The following HMBOX1 variants were observed in gnomAD, a reference collection of about 807,000 sequenced individuals.
The protein encoded by HMBOX1 is homeobox-containing protein 1.
In HMBOX1, 14 loss-of-function variants were observed where a neutral mutation model predicts 54.5. The ratio of observed to expected loss-of-function variants is 0.26; its 90% confidence interval spans 0.17 to 0.40. The LOEUF is 0.40. Among genes scored for constraint, HMBOX1 ranks in the 10% least tolerant of loss-of-function variants. The pLI is 1.00. For synonymous variants in HMBOX1, 160 were observed against 181.0 expected (o/e 0.88, Z 0.93); for missense variants, 332 against 514.4 (o/e 0.65, Z 3.43).
intron 3 of HMBOX1, among the ~76,000 whole-genome samples, chr8:28,978,834 G>A (rs2132458389): frequency 7.1e-6 from 1 of 140,632 alleles, no homozygotes; most frequent in African/African-American, 2.6e-5. Context: ...ATATATACAA[G>A]ACAGAAAACA....
intron 2 of HMBOX1, among the ~76,000 whole-genome samples, chr8:28,967,831 T>A (rs1448986971): frequency 1.3e-5 from 2 of 152,260 alleles, no homozygotes; most frequent in South Asian, 2.1e-4. Flanking sequence ...TTGTTACAAG[T>A]GAGTATTGGA....
At chr8:29,018,387 C>T (rs538814866) in intron 5 of HMBOX1, among the ~76,000 whole-genome samples, 1 of 151,988 alleles carries the variant, frequency 6.6e-6, no homozygotes, top group South Asian at 2.1e-4. Context: ...CCTATGGAGA[C>T]CTGATTTAGT....
chr8:28,956,392 A>G (rs1440067671), intron 1 of HMBOX1, among the ~76,000 whole-genome samples: 3 of 151,996 alleles, frequency 2.0e-5, no homozygotes, highest in South Asian at 2.1e-4. Flanking sequence ...TTTGTTAAGC[A>G]TATCTACAAG....
At chr8:28,999,848 A>G (rs1832378486) in intron 4 of HMBOX1, among the ~76,000 whole-genome samples, 1 of 152,046 alleles carries the variant, frequency 6.6e-6, no homozygotes, top group Non-Finnish European at 1.5e-5. Context: ...AAAATGGTTA[A>G]TTTAAATCTT....
chr8:28,957,056 C>T (rs891708860), intron 1 of HMBOX1, among the ~76,000 whole-genome samples: 3 of 152,024 alleles, frequency 2.0e-5, no homozygotes, highest in East Asian at 3.9e-4. Context: ...ATGGCCTGGG[C>T]GTGGAGGGTA....
In HMBOX1 at chr8:28,970,558, T is replaced by A. The variant is rs777466225; in HGVS notation, c.500+39T>A. ...CTTATTCAGAGTCCCTAAAAATGTC[T>A]GTATTCTTAGATTGTTTTTAAGTAG... On this transcript the variant is annotated intron_variant, in intron 3 of 9. Coordinates refer to ENST00000287701, the MANE Select transcript of HMBOX1 (RefSeq NM_001135726.3). This position sits in a 1 kb window ranked among gnomAD's most constrained non-coding sequence, Gnocchi z 4.3. 44 of 1,301,224 alleles carry A rather than the reference T, an allele frequency of 3.4e-5. No homozygotes were observed. In the African/African-American group the frequency reaches 5.9e-4, roughly 17 times the overall value. 80.6% of individuals were successfully genotyped at this position (1,301,224 alleles called of 1,614,324 possible). A position where few individuals can be genotyped will look rare whatever the true frequency, so the allele number is the denominator to read the frequency against.
At chr8:28,893,907 C>T (rs576062138) in intron 1 of HMBOX1, among the ~76,000 whole-genome samples, 2 of 152,264 alleles carry the variant, frequency 1.3e-5, no homozygotes, top group South Asian at 4.1e-4. Flanking sequence ...TCTTGCTTCT[C>T]TTATTTTTGT....
intron 1 of HMBOX1, among the ~76,000 whole-genome samples, chr8:28,898,286 A>G (rs993883244): frequency 3.3e-5 from 5 of 152,226 alleles, no homozygotes; most frequent in East Asian, 1.9e-4. Context: ...GAATATGACA[A>G]ATATTGATGG....
In HMBOX1 at chr8:29,052,904, TAAAAG is replaced by T. The variant is rs1367145958; in HGVS notation, c.*1750_*1754del. On this transcript the variant is annotated 3_prime_UTR_variant, in exon 10 of 10. Transcript: ENST00000287701. ...CGTTACCTGAAAACAATTTCTAAGA[TAAAAG>T]GAAGGTGCCATTTCCTTACCTCTTC... The T allele has an allele frequency of 1.3e-5, 2 of 152,228 alleles. No homozygotes were observed. The highest frequency in any genetic ancestry group is 2.9e-5 in the Non-Finnish European group (2 of 68,046). 9.4% of individuals were successfully genotyped at this position (152,228 alleles called of 1,614,324 possible).
Position 28,938,612 on chromosome 8 carries a change from A to ATT in HMBOX1, c.-57-25185_-57-25184dup, listed in dbSNP as rs778373499. Among the ~76,000 whole-genome samples the ATT allele has an allele frequency of 6.1e-3, 863 of 140,628 alleles. 5 individuals carry two copies. The highest frequency in any genetic ancestry group is 0.022 in the African/African-American group (829 of 38,378). The allele number at this position is 140,628 out of a possible 152,430, so 92.3% of individuals were successfully genotyped here. On this transcript the variant is annotated intron_variant, in intron 1 of 9. Coordinates refer to ENST00000287701, the MANE Select transcript of HMBOX1 (RefSeq NM_001135726.3). Reference sequence around the variant, plus strand: ...CAGGCGCACACCACCACTCCTGGCAATTTTTTTTTTTTTTTGGTAGAGACA... The same window carrying ATT: ...CAGGCGCACACCACCACTCCTGGCAATTTTTTTTTTTTTTTTTGGTAGAGACA...
chr8:28,911,145 T>C (rs1815330518), intron 1 of HMBOX1, among the ~76,000 whole-genome samples: 1 of 152,306 alleles, frequency 6.6e-6, no homozygotes, highest in African/African-American at 2.4e-5. Flanking sequence ...CAACAAAAAC[T>C]GATTTTGGCC....
intron 3 of HMBOX1, among the ~76,000 whole-genome samples, chr8:28,976,432 CTG>C (rs1173048896): frequency 6.6e-6 from 1 of 152,078 alleles, no homozygotes; most frequent in African/African-American, 2.4e-5. Flanking sequence ...GAGTCTCACT[CTG>C]TTGCCCAGTG....
intron 2 of HMBOX1, among the ~76,000 whole-genome samples, chr8:28,967,660 G>A (rs919734900): frequency 1.7e-4 from 26 of 152,140 alleles, no homozygotes; most frequent in African/African-American, 5.1e-4. Flanking sequence ...TTGATAACAT[G>A]AAGACTGAAA....
Position 29,052,929 on chromosome 8 carries a change from C to G in HMBOX1, c.*1774C>G, listed in dbSNP as rs1207331455. On this transcript the variant is annotated 3_prime_UTR_variant, in exon 10 of 10. Transcript: ENST00000287701. The stretch of plus-strand genomic sequence containing the variant: ...TAAAAGGAAGGTGCCATTTCCTTAC[C>G]TCTTCACCCATCCTCCTCCACCAAA... The G allele has an allele frequency of 1.3e-5, 2 of 152,230 alleles. No individual in the cohort carries two copies. Among genetic ancestry groups the G allele is most frequent in the African/African-American group, 4.8e-5 (2 of 41,432 alleles). 9.4% of individuals were successfully genotyped at this position (152,230 alleles called of 1,614,324 possible). A position where few individuals can be genotyped will look rare whatever the true frequency, so the allele number is the denominator to read the frequency against.
chr8:29,010,079 C>T (rs1834030994), intron 5 of HMBOX1: 4 of 983,034 alleles, frequency 4.1e-6, no homozygotes, highest in Non-Finnish European at 3.6e-6. Flanking sequence ...GATTTTTTTC[C>T]CTAAAGGTCA....
intron 4 of HMBOX1, among the ~76,000 whole-genome samples, chr8:28,995,280 G>GT (rs1831638046): frequency 6.6e-6 from 1 of 152,126 alleles, no homozygotes; most frequent in Non-Finnish European, 1.5e-5. Flanking sequence ...ATAAACTTTT[G>GT]TGTCGGGCTT....
intron 1 of HMBOX1, among the ~76,000 whole-genome samples, chr8:28,926,667 A>G (rs537166693): frequency 1.3e-5 from 2 of 152,250 alleles, no homozygotes; most frequent in East Asian, 3.9e-4. Flanking sequence ...TCCTGGGCTC[A>G]AGTGACCCTC....
intron 3 of HMBOX1, among the ~76,000 whole-genome samples, chr8:28,978,764 G>A (rs1828854851): frequency 8.6e-6 from 1 of 116,220 alleles, no homozygotes; most frequent in Non-Finnish European, 1.6e-5. Flanking sequence ...TCCAGCCCGA[G>A]CAACAGAGTG....
At chr8:28,925,612 T>G (rs1037050283) in intron 1 of HMBOX1, among the ~76,000 whole-genome samples, 1 of 146,874 alleles carries the variant, frequency 6.8e-6, no homozygotes, top group Non-Finnish European at 1.5e-5. Flanking sequence ...AAATACAGAC[T>G]CAGCCTTGAG....
Sources: gnomAD v4.1 joint callset for allele counts (sites outside exome capture counted in the v4.1 genomes callset) on GRCh38, gnomAD v4.1.1 for gene constraint, Gnocchi (gnomAD v3.1) non-coding constraint, MANE v1.5 for transcripts, NCBI Gene and HGNC (gene_info 2026-07-23, HGNC 2026-07-21) for gene names.